The following UGT1A4 variants were observed in gnomAD, a reference collection of about 807,000 sequenced individuals.
UGT1A4 encodes UDP-glucuronosyltransferase 1A4.
Under a neutral mutation model 41.1 loss-of-function variants are expected in UGT1A4, and 32 were observed. The ratio of observed to expected loss-of-function variants is 0.78; its 90% CI spans 0.59 to 1.05. The LOEUF (loss-of-function observed/expected upper bound fraction) is 1.05. Among genes scored for constraint, UGT1A4 ranks in the 50% least tolerant of loss-of-function variants. UGT1A4 has a pLI of 0.00. For missense variants in UGT1A4, 748 were observed against 677.4 expected, an observed-to-expected ratio of 1.10 and a Z score of -1.16; for synonymous variants, 283 against 265.1, an observed-to-expected ratio of 1.07 and a Z score of -0.66.
intron 1 of UGT1A4, among the ~76,000 whole-genome samples, chr2:233,759,843 C>CA (rs1240131722): frequency 1.3e-5 from 2 of 152,184 alleles, no homozygotes; most frequent in African/African-American, 4.8e-5. Flanking sequence ...GGCACTCTTA[C>CA]AGGTTTCCAT....
chr2:233,730,566 G>A (rs1350125224), intron 1 of UGT1A4, among the ~76,000 whole-genome samples: 2 of 152,136 alleles, frequency 1.3e-5, no homozygotes, highest in African/African-American at 2.4e-5. Flanking sequence ...AATGACACAC[G>A]AAGTTCAGTT....
At chr2:233,750,199 CA>C (rs1448966489) in intron 1 of UGT1A4, among the ~76,000 whole-genome samples, 1 of 151,826 alleles carries the variant, frequency 6.6e-6, no homozygotes, top group Non-Finnish European at 1.5e-5. Flanking sequence ...CAATGAAGTC[CA>C]GGCTGAGTCT....
intron 2 of UGT1A4, 113 bp downstream of exon 2, chr2:233,767,278 T>A: frequency 6.3e-7 from 1 of 1,578,298 alleles, no homozygotes; most frequent in Non-Finnish European, 8.5e-7. Flanking sequence ...GGCTTTTCCC[T>A]GCCACTTCCC....
chr2:233,768,263 T>C lies in UGT1A4; in HGVS notation c.1131T>C (p.His377=), dbSNP rs1699595501. The C allele has an allele frequency of 2.5e-6, 4 of 1,614,154 alleles. No individual in the cohort carries two copies. Among genetic ancestry groups the C allele is most frequent in the Non-Finnish European group, 3.4e-6 (4 of 1,180,014 alleles). ...CCTTTATCACCCATGCTGGTTCCCA[T>C]GGTGTTTATGAAAGCATATGCAATG... The part of the protein sequence containing the change: ...TRAFITHAGS[H]GVYESICNGV... Residue 377 remains histidine (H), a synonymous_variant, in exon 4 of 5, where the codon CAT becomes CAC. Coordinates refer to ENST00000373409, the MANE Select transcript of UGT1A4 (RefSeq NM_007120.3).
At chr2:233,723,536 T>TTA (rs1553611580) in intron 1 of UGT1A4, among the ~76,000 whole-genome samples, 38,386 of 120,724 alleles carry the variant, frequency 0.32, 7,068 homozygotes, top group South Asian at 0.41. Flanking sequence ...TTTTTTTTTT[T>TTA]AATTTATTTT....
rs529127963 is a variant in UGT1A4 at position 233,735,165 on chromosome 2, C to T, written c.867+15478C>T. 6.6e-5 allele frequency among the ~76,000 whole-genome samples: 10 copies of T among 152,220 alleles called. No homozygotes were observed. In the East Asian group the frequency reaches 9.6e-4, roughly 15 times the overall value. The stretch of plus-strand genomic sequence containing the variant: ...TGGGAGTCTAAGTCTCTGTGTAGGT[C>T]TCTAAGAACTTGCTTTATGAATCTA... On this transcript the variant is annotated intron_variant, in intron 1 of 4. Transcript: ENST00000373409.
At chr2:233,737,065 T>C (rs1559381236) in intron 1 of UGT1A4, among the ~76,000 whole-genome samples, 1 of 152,236 alleles carries the variant, frequency 6.6e-6, no homozygotes, top group African/African-American at 2.4e-5. Context: ...ACGAGTGCTC[T>C]CTTCAGAGCT....
Position 233,760,871 on chromosome 2 carries a change from G to A in UGT1A4, c.868-6163G>A, listed in dbSNP as rs767764203. 84 of 1,614,010 alleles carry A rather than the reference G, an allele frequency of 5.2e-5. No individual in the cohort carries two copies. Among genetic ancestry groups the A allele is most frequent in the Non-Finnish European group, 5.2e-5 (61 of 1,180,040 alleles). On this transcript the variant is annotated intron_variant, in intron 1 of 4. Transcript: ENST00000373409. ...CCCAACCCATTCTCCTACGTGCCCAGGCCTCTCTCCTCTCATTCAGATCAC... is the reference window on the plus strand; with the variant it reads ...CCCAACCCATTCTCCTACGTGCCCAAGCCTCTCTCCTCTCATTCAGATCAC...
At chr2:233,758,862 T>C (rs1697002343) in intron 1 of UGT1A4, among the ~76,000 whole-genome samples, 2 of 152,226 alleles carry the variant, frequency 1.3e-5, no homozygotes. Flanking sequence ...GGCTGCACAA[T>C]ACTTGCCCCA....
chr2:233,766,948 G>A, intron 1 of UGT1A4, 86 bp from the exon 2 acceptor site: 1 of 1,599,792 alleles, frequency 6.3e-7, no homozygotes, highest in Non-Finnish European at 8.5e-7. Context: ...AGTCTTAAGA[G>A]GAAGATATCT....
intron 1 of UGT1A4, among the ~76,000 whole-genome samples, chr2:233,735,494 C>G (rs1320863859): frequency 6.6e-6 from 1 of 152,164 alleles, no homozygotes; most frequent in East Asian, 1.9e-4. Context: ...TTAATTGCAG[C>G]ATTTAGCCCA....
chr2:233,768,654 T>C (rs1699689633), intron 4 of UGT1A4, among the ~76,000 whole-genome samples: 2 of 149,892 alleles, frequency 1.3e-5, no homozygotes, highest in Non-Finnish European at 3.0e-5. Flanking sequence ...TGGTGCAATC[T>C]TGGCTTACTG....
intron 1 of UGT1A4, 50 bp downstream of exon 1, chr2:233,719,737 T>A: frequency 6.2e-7 from 1 of 1,613,180 alleles, no homozygotes; most frequent in Non-Finnish European, 8.5e-7. Context: ...AAACACTTTT[T>A]AAAAAATGTA....
intron 1 of UGT1A4, among the ~76,000 whole-genome samples, chr2:233,720,881 T>C (rs1341261377): frequency 6.6e-6 from 1 of 150,882 alleles, no homozygotes; most frequent in Non-Finnish European, 1.5e-5. Flanking sequence ...ATTTTTTTTT[T>C]TTTTTTTTTA....
intron 1 of UGT1A4, chr2:233,760,727 T>G: frequency 6.2e-7 from 1 of 1,614,214 alleles, no homozygotes; most frequent in Non-Finnish European, 8.5e-7. Context: ...AGCTTTGATG[T>G]CATGCTGACG....
At chr2:233,729,259 C>A (rs45625338) in intron 1 of UGT1A4, 1 of 1,613,960 alleles carries the variant, frequency 6.2e-7, no homozygotes, top group Admixed American at 1.7e-5. Context: ...GCTCAGCATG[C>A]GGGAGGTCTT....
intron 1 of UGT1A4, among the ~76,000 whole-genome samples, chr2:233,750,053 G>A (rs1694341640): frequency 6.6e-6 from 1 of 151,850 alleles, no homozygotes. Flanking sequence ...ATGTGGAAGT[G>A]ACTTTGGAAC....
intron 2 of UGT1A4, 141 bp downstream of exon 2, chr2:233,767,306 T>A: frequency 6.6e-7 from 1 of 1,507,862 alleles, no homozygotes; most frequent in Non-Finnish European, 8.8e-7. Flanking sequence ...AATCCAAAGG[T>A]TTTTTTTGTT....
At chr2:233,734,729 GT>G (rs200668434) in intron 1 of UGT1A4, among the ~76,000 whole-genome samples, 10,395 of 152,166 alleles carry the variant, frequency 0.068, 499 homozygotes, top group East Asian at 0.2. Flanking sequence ...GTTCTCGTCG[GT>G]TTCAAAGAAC....
Sources: allele counts gnomAD v4.1 joint callset (sites outside exome capture counted in the v4.1 genomes callset), GRCh38; gene constraint gnomAD v4.1.1; transcripts MANE v1.5; gene names NCBI Gene and HGNC (gene_info 2026-07-23, HGNC 2026-07-21).